Variants in PLCL1 observed in about 807,000 individuals in gnomAD.
The protein encoded by PLCL1 is inactive phospholipase C-like protein 1.
A neutral mutation model predicts 84.4 loss-of-function variants in PLCL1; 41 were observed. The ratio of observed to expected loss-of-function variants is 0.49; its 90% confidence interval spans 0.38 to 0.63. The LOEUF (loss-of-function observed/expected upper bound fraction) is 0.63. PLCL1 is among the 30% of genes least tolerant of loss of function. PLCL1 has a pLI of 0.00. For synonymous variants in PLCL1, 490 were observed against 488.3 expected (o/e 1.00, Z -0.05); for missense variants, 1,206 against 1,367.8 (o/e 0.88, Z 1.87).
At position 198,085,975 on chromosome 2, in the gene PLCL1, C is replaced by T. The variant is rs45535433; in HGVS notation, c.2458C>T (p.Gln820Ter). ...ATATACGATACCATTTGAATGTTTGCAGCCTGGATATCGGCATGTTCCCCT... is the reference window on the plus strand; with the variant it reads ...ATATACGATACCATTTGAATGTTTGTAGCCTGGATATCGGCATGTTCCCCT... ...GQYTIPFECL[Q>*]PGYRHVPLRS... The change falls in exon 2 of 6, where the codon CAG becomes TAG. Residue 820 changes from glutamine to a stop codon, truncating the protein, a stop_gained. Transcript: ENST00000428675. LOFTEE classifies it high-confidence loss of function. This position sits in a 1 kb window ranked among gnomAD's most constrained non-coding sequence, Gnocchi z 5.3. The T allele has an allele frequency of 6.2e-7, 1 of 1,614,078 alleles. No individual in the cohort carries two copies. Among genetic ancestry groups the T allele is most frequent in the Non-Finnish European group, 8.5e-7 (1 of 1,179,968 alleles).
At chr2:197,951,282 C>G (rs1210921939) in intron 1 of PLCL1, among the ~76,000 whole-genome samples, 1 of 152,142 alleles carries the variant, frequency 6.6e-6, no homozygotes, top group African/African-American at 2.4e-5. Flanking sequence ...TTTCTTCTGG[C>G]AACAGCACTC....
chr2:197,989,947 A>G (rs531755697), intron 1 of PLCL1, among the ~76,000 whole-genome samples: 135 of 152,310 alleles, frequency 8.9e-4, no homozygotes, highest in African/African-American at 3.2e-3. Context: ...GAAAATGTAC[A>G]GATAGTGCCT....
chr2:197,929,229 T>C (rs1688886630), intron 1 of PLCL1, among the ~76,000 whole-genome samples: 1 of 152,310 alleles, frequency 6.6e-6, no homozygotes, highest in South Asian at 2.1e-4. Context: ...GGTATCCTTC[T>C]GGGGTCCTGG....
chr2:197,861,958 A>G (rs541826939), intron 1 of PLCL1, among the ~76,000 whole-genome samples: 1 of 152,360 alleles, frequency 6.6e-6, no homozygotes, highest in South Asian at 2.1e-4. Flanking sequence ...TAGCAATTTG[A>G]CAAAGGCTCA....
intron 1 of PLCL1, among the ~76,000 whole-genome samples, chr2:197,878,630 T>G (rs1450132351): frequency 6.6e-6 from 1 of 152,018 alleles, no homozygotes; most frequent in Non-Finnish European, 1.5e-5. Flanking sequence ...TGTGGAAAAC[T>G]GTGTGTGTGT....
At chr2:197,917,288 A>G (rs1221980907) in intron 1 of PLCL1, among the ~76,000 whole-genome samples, 1 of 152,242 alleles carries the variant, frequency 6.6e-6, no homozygotes, top group African/African-American at 2.4e-5. Context: ...ATTGTGGTAT[A>G]TCATAAAATA....
At chr2:197,878,236 C>T (rs1221861937) in intron 1 of PLCL1, among the ~76,000 whole-genome samples, 2 of 152,154 alleles carry the variant, frequency 1.3e-5, no homozygotes, top group Non-Finnish European at 2.9e-5. Flanking sequence ...ATGATTAGAG[C>T]TGTGCTTAGA....
In PLCL1 at chr2:198,149,337, A is replaced by G. The variant is rs1432903223; in HGVS notation, c.*2375A>G. On this transcript the variant is annotated 3_prime_UTR_variant, in exon 6 of 6. Transcript: ENST00000428675. ...TAGGAATGTAGTGTTTTAGATATTA[A>G]TTCTATTTTTATTTATTCATTTTTA... 6.6e-6 allele frequency: 1 copy of G among 152,196 alleles called. No homozygotes were observed. The highest frequency in any genetic ancestry group is 1.5e-5 in the Non-Finnish European group (1 of 68,014). 9.4% of individuals were successfully genotyped at this position (152,196 alleles called of 1,614,324 possible). A position where few individuals can be genotyped will look rare whatever the true frequency, so the allele number is the denominator to read the frequency against.
chr2:198,120,578 T>G (rs1693845509), intron 5 of PLCL1, among the ~76,000 whole-genome samples: 1 of 152,052 alleles, frequency 6.6e-6, no homozygotes, highest in Non-Finnish European at 1.5e-5. Flanking sequence ...TAAAGTTTGT[T>G]TTTCTGTGCC....
intron 1 of PLCL1, among the ~76,000 whole-genome samples, chr2:197,845,948 T>G (rs1687113957): frequency 6.6e-6 from 1 of 152,080 alleles, no homozygotes; most frequent in African/African-American, 2.4e-5. Flanking sequence ...AGGGTGAGGT[T>G]TCCTCTCCAG....
Position 198,084,604 on chromosome 2 carries a change from T to C in PLCL1, c.1087T>C (p.Ser363Pro). 6.2e-7 allele frequency: 1 copy of C among 1,614,094 alleles called. No homozygotes were observed. The highest frequency in any genetic ancestry group is 8.5e-7 in the Non-Finnish European group (1 of 1,179,938). ...AGACATCATAAGGAGATACGAACTT[T>C]CTGAAGAGGGACGTCAAAAAGGGTT... ...CLDIIRRYEL[S>P]EEGRQKGFLA... The change falls in exon 2 of 6, where the codon TCT (serine) becomes CCT (proline). Residue 363 changes from serine to proline, a missense_variant. By Grantham distance (74) the Ser-to-Pro change is moderately conservative. Transcript: ENST00000428675.
At chr2:197,840,966 A>G (rs1302667787) in intron 1 of PLCL1, among the ~76,000 whole-genome samples, 1 of 152,214 alleles carries the variant, frequency 6.6e-6, no homozygotes, top group Non-Finnish European at 1.5e-5. Flanking sequence ...AAAGTCCTGG[A>G]AAGTAGTTAA....
intron 5 of PLCL1, among the ~76,000 whole-genome samples, chr2:198,113,306 T>A (rs1288767292): frequency 1.3e-5 from 2 of 151,980 alleles, no homozygotes; most frequent in African/African-American, 4.8e-5. Flanking sequence ...AATTTTTATT[T>A]CATTTTATTT....
At chr2:197,976,452 C>G (rs1434668805) in intron 1 of PLCL1, among the ~76,000 whole-genome samples, 2 of 152,048 alleles carry the variant, frequency 1.3e-5, no homozygotes, top group African/African-American at 2.4e-5. Context: ...CCTTTCCCTT[C>G]TCTTCCCTTT....
At chr2:197,923,293 C>T (rs1164042011) in intron 1 of PLCL1, among the ~76,000 whole-genome samples, 12 of 147,582 alleles carry the variant, frequency 8.1e-5, no homozygotes, top group African/African-American at 2.7e-4. Context: ...GGGTGGCTGC[C>T]GGGCGGAGAC....
chr2:197,966,335 T>C (rs1331282593), intron 1 of PLCL1, among the ~76,000 whole-genome samples: 1 of 152,114 alleles, frequency 6.6e-6, no homozygotes, highest in Non-Finnish European at 1.5e-5. Context: ...TTCCCAAGAA[T>C]TGCAGTCCTT....
intron 1 of PLCL1, among the ~76,000 whole-genome samples, chr2:197,852,255 A>G (rs953305309): frequency 6.6e-6 from 1 of 151,952 alleles, no homozygotes; most frequent in Admixed American, 6.6e-5. Flanking sequence ...AGCAGGGAGG[A>G]TGGTGGGGAG....
At chr2:197,975,070 A>G (rs1023464010) in intron 1 of PLCL1, among the ~76,000 whole-genome samples, 26 of 145,380 alleles carry the variant, frequency 1.8e-4, no homozygotes, top group African/African-American at 5.8e-4. Context: ...GAACCCGGGA[A>G]GCGGAGCTTG....
intron 1 of PLCL1, among the ~76,000 whole-genome samples, chr2:197,936,406 G>T (rs946667700): frequency 1.3e-5 from 2 of 151,404 alleles, no homozygotes; most frequent in South Asian, 4.2e-4. Context: ...CCTTTTTTCC[G>T]CATATCTTTC....
Sources: allele counts gnomAD v4.1 joint callset (sites outside exome capture counted in the v4.1 genomes callset), GRCh38; gene constraint gnomAD v4.1.1; non-coding constraint Gnocchi (gnomAD v3.1); transcripts MANE v1.5; gene names NCBI Gene and HGNC (gene_info 2026-07-23, HGNC 2026-07-21).